The following RAPGEF1 variants were observed in gnomAD, a reference collection of about 807,000 sequenced individuals.
RAPGEF1 encodes the protein CRK SH3-binding GNRP.
Under a neutral mutation model 143.3 loss-of-function variants are expected in RAPGEF1, and 33 were observed. The ratio of observed to expected loss-of-function variants is 0.23; its 90% CI spans 0.17 to 0.31. The LOEUF (loss-of-function observed/expected upper bound fraction) is 0.31, where lower values mean the gene tolerates loss of function less well. Among genes scored for constraint, RAPGEF1 ranks in the 10% least tolerant of loss-of-function variants. The pLI, the probability that RAPGEF1 is intolerant of heterozygous loss-of-function variation, is 1.00. For missense variants in RAPGEF1, 1,199 were observed against 1,645.4 expected, an observed-to-expected ratio of 0.73 and a Z score of 4.69; for synonymous variants, 629 against 676.5, an observed-to-expected ratio of 0.93 and a Z score of 1.09.
Position 131,650,424 on chromosome 9 carries a change from G to A in RAPGEF1, c.202-182C>T, listed in dbSNP as rs574810682. The stretch of plus-strand genomic sequence containing the variant: ...AGGGGTTTGCATGTTTCAGAGCACA[G>A]GCCCTAAAGCCAAATGATGGATGTT... On this transcript the variant is annotated intron_variant, in intron 2 of 26. Transcript: ENST00000683357. The surrounding 1 kb of genome is among the most constrained non-coding windows in gnomAD (Gnocchi z 4.7). Among the ~76,000 whole-genome samples, 1 of 152,314 alleles carries A rather than the reference G, an allele frequency of 6.6e-6. No homozygotes were observed. The highest frequency in any genetic ancestry group is 2.4e-5 in the African/African-American group (1 of 41,564).
chr9:131,628,411 G>C lies in RAPGEF1; in HGVS notation c.1017+138C>G, dbSNP rs1963899590. On this transcript the variant is annotated intron_variant, in intron 8 of 26. Transcript: ENST00000683357. This position sits in a 1 kb window ranked among gnomAD's most constrained non-coding sequence, Gnocchi z 5.7. Reference sequence around the variant, plus strand: ...ACCGTGTCCTGGAGAGAGAGGGATGGGTACAAGGTCTCGCACTCCTCGATG... The same window carrying C: ...ACCGTGTCCTGGAGAGAGAGGGATGCGTACAAGGTCTCGCACTCCTCGATG... 1.7e-6 allele frequency: 2 copies of C among 1,194,650 alleles called. No individual in the cohort carries two copies. Among genetic ancestry groups the C allele is most frequent in the South Asian group, 1.5e-5 (1 of 64,974 alleles). 74.0% of individuals were successfully genotyped at this position (1,194,650 alleles called of 1,614,324 possible).
In RAPGEF1 at chr9:131,598,252, G is replaced by A. The variant is rs1390805525; in HGVS notation, c.2560C>T (p.Leu854=). The part of the protein sequence containing the change: ...SAQSEEEVDE[L]SLIDHNEIMS... The stretch of plus-strand genomic sequence containing the variant: ...ATTTCGTTGTGGTCAATGAGGGACA[G>A]CTCGTCCACTTCCTCCTCCGACTGA... The change falls in exon 16 of 27, where the codon CTG becomes TTG. Residue 854 remains leucine, a synonymous_variant. Coordinates refer to ENST00000683357, the MANE Select transcript of RAPGEF1 (RefSeq NM_001377935.1). 14 of 1,613,922 alleles carry A rather than the reference G, an allele frequency of 8.7e-6. No individual in the cohort carries two copies. The highest frequency in any genetic ancestry group is 1.1e-5 in the Non-Finnish European group (13 of 1,179,916).
chr9:131,587,618 G>A lies in RAPGEF1; in HGVS notation c.3233+118C>T, dbSNP rs140839896. 4.5e-3 allele frequency: 4,176 copies of A among 930,786 alleles called. 101 individuals carry two copies. Among genetic ancestry groups the A allele is most frequent in the East Asian group, 0.045 (1,688 of 37,792 alleles). The allele number at this position is 930,786 out of a possible 1,614,324, so 57.7% of individuals were successfully genotyped here. A position where few individuals can be genotyped will look rare whatever the true frequency, so the allele number is the denominator to read the frequency against. ...TCATGGGAACCCCCAGGAGCTTAGC[G>A]GAATGAAAGAGGCAGCTCCTTCTCC... On this transcript the variant is annotated intron_variant, in intron 22 of 26. Transcript: ENST00000683357.
At chr9:131,669,944 G>A (rs912679687) in intron 1 of RAPGEF1, among the ~76,000 whole-genome samples, 1 of 152,318 alleles carries the variant, frequency 6.6e-6, no homozygotes, top group African/African-American at 2.4e-5. Context: ...GGAGCTGGCA[G>A]CGATGACAAT....
rs760900159 is a variant in RAPGEF1 at position 131,602,141 on chromosome 9, C to T, written c.2421G>A (p.Pro807=). The T allele has an allele frequency of 1.5e-5, 24 of 1,588,188 alleles. No homozygotes were observed. Among genetic ancestry groups the T allele is most frequent in the Middle Eastern group, 1.7e-4 (1 of 6,056 alleles). Residue 807 remains proline (P), a synonymous_variant, in exon 15 of 27, where the codon CCG becomes CCA. Transcript: ENST00000683357. ...EELAPSRGEP[P]AGKDGHPRDP... ...CTCTGGGATGTCCGTCTTTCCCAGC[C>T]GGTGGCTCCTGGAAAGAGGAGTGGG...
intron 1 of RAPGEF1, among the ~76,000 whole-genome samples, chr9:131,715,863 C>CAAAAA (rs145340457): frequency 2.1e-4 from 15 of 72,506 alleles, no homozygotes; most frequent in South Asian, 4.7e-4. Flanking sequence ...GACTCCCTCT[C>CAAAAA]AAAAAAAAAA....
intron 1 of RAPGEF1, among the ~76,000 whole-genome samples, chr9:131,658,289 T>C (rs117285467): frequency 3.2e-3 from 489 of 152,144 alleles, no homozygotes; most frequent in Non-Finnish European, 5.4e-3. Flanking sequence ...GCACCTGGGG[T>C]TGCCAGACAT....
In RAPGEF1 at chr9:131,621,764, A is replaced by T. The variant is rs768653924; in HGVS notation, c.1905+32T>A. 2.5e-6 allele frequency: 4 copies of T among 1,572,322 alleles called. No individual in the cohort carries two copies. In the South Asian group the frequency reaches 4.6e-5, roughly 18 times the overall value. ...GTTCCTAGAGACCTGCTAGGATCGGAAGTTCTAGTCACAAGGGAAGGTGTC... is the reference window on the plus strand; with the variant it reads ...GTTCCTAGAGACCTGCTAGGATCGGTAGTTCTAGTCACAAGGGAAGGTGTC... On this transcript the variant is annotated intron_variant, in intron 11 of 26. Coordinates refer to ENST00000683357, the MANE Select transcript of RAPGEF1 (RefSeq NM_001377935.1). The surrounding 1 kb of genome is among the most constrained non-coding windows in gnomAD (Gnocchi z 4.5).
intron 5 of RAPGEF1, among the ~76,000 whole-genome samples, chr9:131,638,321 G>A (rs1251647256): frequency 1.3e-5 from 2 of 152,184 alleles, no homozygotes; most frequent in African/African-American, 4.8e-5. Flanking sequence ...TTTGCTTAAA[G>A]TCATTGTGAA....
chr9:131,639,332 A>T (rs185966276), intron 4 of RAPGEF1, among the ~76,000 whole-genome samples: 13 of 152,314 alleles, frequency 8.5e-5, no homozygotes, highest in Non-Finnish European at 1.6e-4. Flanking sequence ...TATAACGATG[A>T]GACAGACGTC....
intron 1 of RAPGEF1, among the ~76,000 whole-genome samples, chr9:131,697,142 C>T (rs868028568): frequency 6.6e-6 from 1 of 152,222 alleles, no homozygotes; most frequent in Admixed American, 6.5e-5. Flanking sequence ...TTGCTGAAAG[C>T]GCAGCAGAGA....
chr9:131,644,939 C>T (rs1969134081), intron 3 of RAPGEF1, among the ~76,000 whole-genome samples: 1 of 152,130 alleles, frequency 6.6e-6, no homozygotes. Flanking sequence ...GCACAAAAGA[C>T]CCAGTCATTT....
intron 15 of RAPGEF1, among the ~76,000 whole-genome samples, chr9:131,599,300 A>G (rs1419495526): frequency 1.3e-5 from 2 of 149,420 alleles, no homozygotes; most frequent in African/African-American, 2.5e-5. Flanking sequence ...AATTCTGTTC[A>G]TTGTAGGGAT....
chr9:131,698,094 C>A (rs1374143495), intron 1 of RAPGEF1, among the ~76,000 whole-genome samples: 2 of 152,196 alleles, frequency 1.3e-5, no homozygotes, highest in Non-Finnish European at 2.9e-5. Context: ...CAATAACACA[C>A]CACTGTGACC....
rs532652911 is a variant in RAPGEF1, at chr9:131,627,112, G to A, written c.1202-690C>T. On this transcript the variant is annotated intron_variant, in intron 9 of 26. Transcript: ENST00000683357. ...ACCTGTAATCCCAGCTGCTTGGGAG[G>A]CTGAGGCAGGAGAATCACTTGAACC... Among the ~76,000 whole-genome samples the A allele has an allele frequency of 4.0e-5, 6 of 151,510 alleles. No individual in the cohort carries two copies. In the South Asian group the frequency reaches 1.0e-3, roughly 26 times the overall value.
At chr9:131,586,841 AACACAC>A (rs71374111) in intron 22 of RAPGEF1, among the ~76,000 whole-genome samples, 7 of 25,554 alleles carry the variant, frequency 2.7e-4, no homozygotes, top group East Asian at 8.1e-4. Flanking sequence ...CTCCGTCTCA[AACACAC>A]ACACACACAC....
At chr9:131,706,391 T>C (rs1316385603) in intron 1 of RAPGEF1, among the ~76,000 whole-genome samples, 1 of 152,036 alleles carries the variant, frequency 6.6e-6, no homozygotes, top group African/African-American at 2.4e-5. Context: ...GCCTCCTGAG[T>C]AGCTGGGACT....
chr9:131,611,833 C>T (rs548508527), intron 12 of RAPGEF1, among the ~76,000 whole-genome samples: 41 of 152,286 alleles, frequency 2.7e-4, no homozygotes, highest in African/African-American at 9.4e-4. Flanking sequence ...CCCAGCCTTA[C>T]GAGATCTCAA....
intron 11 of RAPGEF1, among the ~76,000 whole-genome samples, chr9:131,619,434 G>T (rs888609483): frequency 6.6e-6 from 1 of 152,192 alleles, no homozygotes; most frequent in Admixed American, 6.5e-5. Context: ...CCTAAAAATT[G>T]TGTCCACTGG....
Sources: allele counts gnomAD v4.1 joint callset (sites outside exome capture counted in the v4.1 genomes callset), GRCh38; gene constraint gnomAD v4.1.1; non-coding constraint Gnocchi (gnomAD v3.1); transcripts MANE v1.5; gene names NCBI Gene and HGNC (gene_info 2026-07-23, HGNC 2026-07-21).